The following CREB5 variants were observed in gnomAD, a reference collection of about 807,000 sequenced individuals.
The protein encoded by CREB5 is cAMP responsive element binding protein 5.
A neutral mutation model predicts 57.1 loss-of-function variants in CREB5; 19 were observed. That is an observed-to-expected ratio of 0.33 (90% CI 0.23 to 0.49). The LOEUF is 0.49. Among genes scored for constraint, CREB5 ranks in the 20% least tolerant of loss-of-function variants. CREB5 has a pLI of 0.99. For synonymous variants in CREB5, 238 were observed against 238.3 expected, an observed-to-expected ratio of 1.00 and a Z score of 0.01; for missense variants, 579 against 671.6, an observed-to-expected ratio of 0.86 and a Z score of 1.52.
intron 5 of CREB5, among the ~76,000 whole-genome samples, chr7:28,611,489 T>TAAAAAAAA (rs59192497): frequency 8.3e-5 from 4 of 47,978 alleles, no homozygotes; most frequent in East Asian, 7.3e-4. Context: ...CCATCTCTAC[T>TAAAAAAAA]AAAAAAAAAA....
chr7:28,603,905 G>A (rs1797017992), intron 5 of CREB5, among the ~76,000 whole-genome samples: 1 of 152,192 alleles, frequency 6.6e-6, no homozygotes, highest in South Asian at 2.1e-4. Flanking sequence ...CAAGGGATCT[G>A]TGGCTGAGAG....
At chr7:28,560,879 C>CGTGTGTGCGTGCGTGCGTGT (rs1215492156) in intron 4 of CREB5, among the ~76,000 whole-genome samples, 1 of 22,060 alleles carries the variant, frequency 4.5e-5, no homozygotes, top group African/African-American at 1.3e-4. Context: ...CGTGCGCGTG[C>CGTGTGTGCGTGCGTGCGTGT]GTGCGTGCGT....
intron 1 of CREB5, among the ~76,000 whole-genome samples, chr7:28,445,555 T>C (rs1562720726): frequency 6.6e-6 from 1 of 151,284 alleles, no homozygotes; most frequent in East Asian, 1.9e-4. Context: ...TCTTTTTCTT[T>C]TTTTTTTTTT....
At chr7:28,737,576 TATATATATATA>T (rs1562606831) in intron 7 of CREB5, among the ~76,000 whole-genome samples, 7 of 33,756 alleles carry the variant, frequency 2.1e-4, no homozygotes, top group African/African-American at 5.6e-4. Flanking sequence ...TATATATATA[TATATATATATA>T]TTTTTAACTC....
chr7:28,550,952 A>G (rs12534244), intron 4 of CREB5, among the ~76,000 whole-genome samples: 22,033 of 152,200 alleles, frequency 0.14, 2,206 homozygotes, highest in East Asian at 0.41. Flanking sequence ...AGTTGATGCC[A>G]AATGTTCATA....
At chr7:28,775,286 C>T (rs1806555255) in intron 7 of CREB5, among the ~76,000 whole-genome samples, 1 of 151,984 alleles carries the variant, frequency 6.6e-6, no homozygotes, top group African/African-American at 2.4e-5. Flanking sequence ...GATACCTCCT[C>T]CTAGAAGTCC....
intron 5 of CREB5, among the ~76,000 whole-genome samples, chr7:28,582,324 T>C (rs1796150294): frequency 6.6e-6 from 1 of 152,216 alleles, no homozygotes; most frequent in Non-Finnish European, 1.5e-5. Context: ...AGGAGTTTAA[T>C]AAAGACAGAA....
chr7:28,592,354 A>T (rs1032697571), intron 5 of CREB5, among the ~76,000 whole-genome samples: 10 of 152,228 alleles, frequency 6.6e-5, no homozygotes, highest in African/African-American at 1.9e-4. Context: ...CTTTGAGGGA[A>T]TAGAATGCAG....
At chr7:28,807,213 C>T (rs1808781448) in intron 8 of CREB5, among the ~76,000 whole-genome samples, 1 of 152,150 alleles carries the variant, frequency 6.6e-6, no homozygotes, top group Admixed American at 6.5e-5. Context: ...CTTTGGGAGG[C>T]TGAGGCGGGT....
At chr7:28,388,933 G>A (rs1440076055) in intron 1 of CREB5, among the ~76,000 whole-genome samples, 1 of 152,202 alleles carries the variant, frequency 6.6e-6, no homozygotes, top group African/African-American at 2.4e-5. Context: ...CTGCATCTCT[G>A]ACTTTCAAGG....
At chr7:28,774,720 T>C (rs1806523951) in intron 7 of CREB5, among the ~76,000 whole-genome samples, 1 of 152,208 alleles carries the variant, frequency 6.6e-6, no homozygotes, top group African/African-American at 2.4e-5. Context: ...TGCTATAGAA[T>C]GTTACTCAAG....
chr7:28,704,234 A>G (rs1479928261), intron 5 of CREB5, among the ~76,000 whole-genome samples: 2 of 152,148 alleles, frequency 1.3e-5, no homozygotes, highest in Non-Finnish European at 2.9e-5. Flanking sequence ...CCAAAGGATT[A>G]TTGTTCATAT....
rs59074697 is a variant in CREB5, at chr7:28,612,543, GGTGTGTGTGTGTGT to G, written c.464+42039_464+42052del. Among the ~76,000 whole-genome samples, 189 of 137,376 alleles carry G rather than the reference GGTGTGTGTGTGTGT, an allele frequency of 1.4e-3. 1 individual carries two copies. The highest frequency in any genetic ancestry group is 3.8e-3 in the Middle Eastern group (1 of 262). The allele number at this position is 137,376 out of a possible 152,430, so 90.1% of individuals were successfully genotyped here. On this transcript the variant is annotated intron_variant, in intron 5 of 10. Coordinates refer to ENST00000357727, the MANE Select transcript of CREB5 (RefSeq NM_182898.4). Reference sequence around the variant, plus strand: ...TGTATTCCTGGCCATTTAGAGAAGGGGTGTGTGTGTGTGTGTGTGTGTGTGTGTGTGTGTGTGTG... The same window carrying G: ...TGTATTCCTGGCCATTTAGAGAAGGGGTGTGTGTGTGTGTGTGTGTGTGTG...
At chr7:28,584,059 T>C (rs746085608) in intron 5 of CREB5, among the ~76,000 whole-genome samples, 1 of 152,088 alleles carries the variant, frequency 6.6e-6, no homozygotes, top group Non-Finnish European at 1.5e-5. Flanking sequence ...TTTTCCTCTC[T>C]CTTCACAATT....
At chr7:28,531,978 G>A (rs1162400061) in intron 4 of CREB5, among the ~76,000 whole-genome samples, 1 of 152,224 alleles carries the variant, frequency 6.6e-6, no homozygotes, top group Non-Finnish European at 1.5e-5. Context: ...GCAGTGAGCT[G>A]AGATTGTGCC....
chr7:28,358,925 C>G (rs912543573), intron 1 of CREB5, among the ~76,000 whole-genome samples: 51 of 152,232 alleles, frequency 3.4e-4, no homozygotes, highest in Middle Eastern at 3.4e-3. Context: ...TGAGGAGAAC[C>G]CCTCAGGGCA....
In CREB5 at chr7:28,644,882, G is replaced by A. The variant is rs554960575; in HGVS notation, c.465-73871G>A. On this transcript the variant is annotated intron_variant, in intron 5 of 10. Transcript: ENST00000357727. ...TTCTAGATTGCTCTTCCTTGAGAAT[G>A]AGGATGAGTTTTATTTAGCACACAA... Among the ~76,000 whole-genome samples the A allele has an allele frequency of 1.2e-3, 186 of 152,270 alleles. 1 individual carries two copies. Among genetic ancestry groups the A allele is most frequent in the Non-Finnish European group, 1.9e-3 (126 of 68,026 alleles).
chr7:28,390,757 A>G (rs993053123), intron 1 of CREB5, among the ~76,000 whole-genome samples: 1 of 152,196 alleles, frequency 6.6e-6, no homozygotes, highest in Admixed American at 6.6e-5. Context: ...TTTACATGCC[A>G]GGAGCCCTGT....
At chr7:28,647,178 A>G (rs1798921279) in intron 5 of CREB5, among the ~76,000 whole-genome samples, 1 of 151,372 alleles carries the variant, frequency 6.6e-6, no homozygotes, top group South Asian at 2.1e-4. Flanking sequence ...GATGGTGGCC[A>G]GTGGCCAGAC....
Sources: gnomAD v4.1 joint callset for allele counts (sites outside exome capture counted in the v4.1 genomes callset) on GRCh38, gnomAD v4.1.1 for gene constraint, MANE v1.5 for transcripts, NCBI Gene and HGNC (gene_info 2026-07-23, HGNC 2026-07-21) for gene names.